The following ENOX1 variants were observed in gnomAD, a reference collection of about 807,000 sequenced individuals.
ENOX1 encodes ecto-NOX disulfide-thiol exchanger 1.
Under a neutral mutation model 82.5 loss-of-function variants are expected in ENOX1, and 42 were observed. The ratio of observed to expected loss-of-function variants is 0.51; its 90% confidence interval spans 0.40 to 0.66. The LOEUF is 0.66. ENOX1 is among the 30% of genes least tolerant of loss of function. The pLI, the probability that ENOX1 is intolerant of heterozygous loss-of-function variation, is 0.00. For synonymous variants in ENOX1, 271 were observed against 282.2 expected (o/e 0.96, Z 0.40); for missense variants, 608 against 811.6 (o/e 0.75, Z 3.05).
intron 2 of ENOX1, among the ~76,000 whole-genome samples, chr13:43,496,268 C>T (rs894487019): frequency 6.6e-6 from 1 of 151,886 alleles, no homozygotes; most frequent in Non-Finnish European, 1.5e-5. Flanking sequence ...ATTTTACTTT[C>T]ATGTAAAGAT....
intron 3 of ENOX1, among the ~76,000 whole-genome samples, chr13:43,468,972 G>T (rs2057868135): frequency 6.6e-6 from 1 of 152,182 alleles, no homozygotes; most frequent in Non-Finnish European, 1.5e-5. Flanking sequence ...CAACCTCACA[G>T]AACTCATTTA....
intron 1 of ENOX1, among the ~76,000 whole-genome samples, chr13:43,695,860 A>T (rs2086617180): frequency 1.3e-5 from 2 of 152,218 alleles, no homozygotes; most frequent in Admixed American, 1.3e-4. Flanking sequence ...ATATATTCAC[A>T]GAGTTCGGCA....
intron 6 of ENOX1, among the ~76,000 whole-genome samples, chr13:43,360,894 C>A (rs1359675726): frequency 6.6e-6 from 1 of 152,176 alleles, no homozygotes; most frequent in Non-Finnish European, 1.5e-5. Flanking sequence ...TGCTAACTGT[C>A]AAATTAATTC....
chr13:43,249,490 T>C (rs1388898122), intron 14 of ENOX1, among the ~76,000 whole-genome samples: 1 of 152,236 alleles, frequency 6.6e-6, no homozygotes, highest in Non-Finnish European at 1.5e-5. Flanking sequence ...ATTAGTCGGT[T>C]TGATTTATCT....
intron 5 of ENOX1, among the ~76,000 whole-genome samples, chr13:43,395,765 T>C (rs75174524): frequency 0.011 from 1,606 of 152,328 alleles, 30 homozygotes; most frequent in African/African-American, 0.035. Context: ...AGCAGGAAGC[T>C]GTTTAAAGCA....
intron 3 of ENOX1, among the ~76,000 whole-genome samples, chr13:43,462,259 T>C (rs554621932): frequency 6.6e-6 from 1 of 152,386 alleles, no homozygotes; most frequent in South Asian, 2.1e-4. Context: ...AGAGCTTTTC[T>C]TCTGGATTTC....
Position 43,347,995 on chromosome 13 carries a change from C to T in ENOX1, c.824-3245G>A, listed in dbSNP as rs151262766. Among the ~76,000 whole-genome samples the T allele has an allele frequency of 4.9e-3, 739 of 152,316 alleles. 2 individuals carry two copies. Among genetic ancestry groups the T allele is most frequent in the Admixed American group, 9.2e-3 (140 of 15,298 alleles). On this transcript the variant is annotated intron_variant, in intron 8 of 16. Transcript: ENST00000690772. ...CTGAGTTAATGGACAGGTCCATTCA[C>T]GGGTCTTGCCTTTTTCCCTTCCATC...
intron 3 of ENOX1, among the ~76,000 whole-genome samples, chr13:43,416,194 C>T (rs1485275291): frequency 3.0e-5 from 4 of 131,702 alleles, no homozygotes; most frequent in African/African-American, 1.2e-4. Context: ...TCCTCACATC[C>T]CAGACGGGGC....
At chr13:43,493,121 A>G (rs536489953) in intron 2 of ENOX1, among the ~76,000 whole-genome samples, 2 of 152,096 alleles carry the variant, frequency 1.3e-5, no homozygotes, top group Non-Finnish European at 2.9e-5. Flanking sequence ...TCCTTAAAAT[A>G]TCTTAAGATT....
chr13:43,412,982 T>C lies in ENOX1; in HGVS notation c.-68A>G. 2 of 1,586,920 alleles carry C rather than the reference T, an allele frequency of 1.3e-6. No homozygotes were observed. Among genetic ancestry groups the C allele is most frequent in the South Asian group, 1.2e-5 (1 of 86,772 alleles). ...GAGTGCAGGGTCCCCTCGGAGGTCA[T>C]CAGATTCTGCAAAACGGGACAGAAG... On this transcript the variant is annotated 5_prime_UTR_variant, in exon 4 of 17. The change abolishes an upstream ATG in the 5' untranslated region. Coordinates refer to ENST00000690772, the MANE Select transcript of ENOX1 (RefSeq NM_001347969.2).
At chr13:43,635,022 A>G (rs1430841639) in intron 2 of ENOX1, among the ~76,000 whole-genome samples, 1 of 152,204 alleles carries the variant, frequency 6.6e-6, no homozygotes, top group East Asian at 1.9e-4. Flanking sequence ...TGCAGGGAAC[A>G]GGGGAACGTT....
chr13:43,490,619 T>G (rs959022331), intron 2 of ENOX1, among the ~76,000 whole-genome samples: 1 of 152,190 alleles, frequency 6.6e-6, no homozygotes, highest in African/African-American at 2.4e-5. Flanking sequence ...TATTAAAAAA[T>G]GTTTCACACA....
chr13:43,384,255 A>G (rs989623898), intron 5 of ENOX1, among the ~76,000 whole-genome samples: 10 of 152,212 alleles, frequency 6.6e-5, no homozygotes, highest in Admixed American at 5.9e-4. Flanking sequence ...GTAGAGAATG[A>G]ATGACAGCAG....
At chr13:43,768,687 C>T (rs910242476) in intron 1 of ENOX1, among the ~76,000 whole-genome samples, 1 of 152,214 alleles carries the variant, frequency 6.6e-6, no homozygotes, top group Admixed American at 6.5e-5. Context: ...ATATTTACAG[C>T]TTTAAAACAT....
intron 8 of ENOX1, 124 bp downstream of exon 8, chr13:43,355,795 C>T (rs546377309): frequency 5.0e-6 from 5 of 998,944 alleles, no homozygotes. Flanking sequence ...CAGACTCTTA[C>T]AGCCTTCTTA....
chr13:43,355,662 G>A (rs555516875), intron 8 of ENOX1, among the ~76,000 whole-genome samples: 4 of 152,180 alleles, frequency 2.6e-5, no homozygotes, highest in Admixed American at 6.5e-5. Context: ...GAGAACATGG[G>A]TGAGCATTCT....
chr13:43,240,551 C>T (rs1317415860), intron 14 of ENOX1, among the ~76,000 whole-genome samples: 1 of 151,506 alleles, frequency 6.6e-6, no homozygotes, highest in African/African-American at 2.4e-5. Context: ...GTGCAAACAG[C>T]ATTTAAGAGG....
At chr13:43,660,051 A>C (rs898590134) in intron 2 of ENOX1, among the ~76,000 whole-genome samples, 1 of 152,204 alleles carries the variant, frequency 6.6e-6, no homozygotes, top group African/African-American at 2.4e-5. Flanking sequence ...TAGGAAGCAG[A>C]TCTGAACTTT....
intron 1 of ENOX1, among the ~76,000 whole-genome samples, chr13:43,755,561 TA>T (rs1390585486): frequency 6.6e-6 from 1 of 152,158 alleles, no homozygotes; most frequent in Non-Finnish European, 1.5e-5. Flanking sequence ...TTTTTACAAT[TA>T]TAATACATGT....
Sources: allele counts gnomAD v4.1 joint callset (sites outside exome capture counted in the v4.1 genomes callset), GRCh38; gene constraint gnomAD v4.1.1; transcripts MANE v1.5; gene names NCBI Gene and HGNC (gene_info 2026-07-23, HGNC 2026-07-21).